Variants in SPON1 observed in about 807,000 individuals in gnomAD.
SPON1 encodes the protein spondin 1, also known as spondin-1.
Under a neutral mutation model 111.7 loss-of-function variants are expected in SPON1, and 52 were observed. The observed-to-expected ratio is 0.47, with a 90% CI of 0.37 to 0.59. The LOEUF (loss-of-function observed/expected upper bound fraction) is 0.59, where lower values mean the gene tolerates loss of function less well. Among genes scored for constraint, SPON1 ranks in the 20% least tolerant of loss-of-function variants. SPON1 has a pLI of 0.00. For missense variants in SPON1, 957 were observed against 1,068.5 expected (o/e 0.90, Z 1.46); for synonymous variants, 410 against 395.8 (o/e 1.04, Z -0.43).
At chr11:14,032,640 A>G (rs1848567640) in intron 2 of SPON1, among the ~76,000 whole-genome samples, 1 of 152,238 alleles carries the variant, frequency 6.6e-6, no homozygotes, top group Non-Finnish European at 1.5e-5. Context: ...CAGAGAGGTC[A>G]AGTAGCTTGG....
At chr11:14,060,272 T>G (rs1554919712) in intron 3 of SPON1, among the ~76,000 whole-genome samples, 1 of 152,188 alleles carries the variant, frequency 6.6e-6, no homozygotes, top group African/African-American at 2.4e-5. Flanking sequence ...TTGTACATTT[T>G]CTTTTGTGAT....
intron 2 of SPON1, among the ~76,000 whole-genome samples, chr11:13,996,711 G>GTGTGTATATATATATATATATA (rs535844829): frequency 6.9e-6 from 1 of 145,142 alleles, no homozygotes; most frequent in African/African-American, 2.8e-5. Flanking sequence ...ACCTATGTGT[G>GTGTGTATATATATATATATATA]TATATATATA....
chr11:14,254,767 C>G, intron 8 of SPON1, 38 bp downstream of exon 8: 1 of 1,592,110 alleles, frequency 6.3e-7, no homozygotes, highest in Non-Finnish European at 8.6e-7. Flanking sequence ...TGGCTCCTTG[C>G]CTACCCGCTT....
chr11:14,108,393 A>G (rs1849201513), intron 5 of SPON1, among the ~76,000 whole-genome samples: 1 of 152,142 alleles, frequency 6.6e-6, no homozygotes, highest in African/African-American at 2.4e-5. Flanking sequence ...GATATCTTGG[A>G]TAAGTCTTCT....
intron 5 of SPON1, among the ~76,000 whole-genome samples, chr11:14,088,744 T>C (rs1849026989): frequency 6.6e-6 from 1 of 152,174 alleles, no homozygotes; most frequent in African/African-American, 2.4e-5. Context: ...TTGGTTCCAT[T>C]CTTGTCCTCA....
chr11:13,963,124 C>T lies in SPON1; in HGVS notation c.220C>T (p.Pro74Ser). The T allele has an allele frequency of 6.6e-7, 1 of 1,518,098 alleles. No individual in the cohort carries two copies. 94.0% of individuals were successfully genotyped at this position (1,518,098 alleles called of 1,614,324 possible). The change falls in exon 1 of 16, where the codon CCG (proline) becomes TCG (serine). Residue 74 changes from proline (P) to serine (S), a missense_variant. Coordinates refer to ENST00000576479, the MANE Select transcript of SPON1 (RefSeq NM_006108.4). ...RVEGDPDFYK[P>S]GTSYRVTLSA... is the part of the protein sequence containing the mutation. ...GGAGGGCGACCCCGACTTCTACAAG[C>T]CGGGAACCAGCTACCGCGGTAAGTG...
chr11:14,070,199 G>T (rs533288389), intron 3 of SPON1, among the ~76,000 whole-genome samples: 1 of 152,268 alleles, frequency 6.6e-6, no homozygotes, highest in Admixed American at 6.5e-5. Flanking sequence ...AATAAATATT[G>T]CTGGTTATAA....
At chr11:13,975,741 C>A (rs1237799974) in intron 1 of SPON1, among the ~76,000 whole-genome samples, 1 of 152,188 alleles carries the variant, frequency 6.6e-6, no homozygotes, top group Non-Finnish European at 1.5e-5. Flanking sequence ...AAAGCCAATT[C>A]TCTCCATTGC....
chr11:14,244,951 C>G (rs544328959), intron 7 of SPON1, among the ~76,000 whole-genome samples: 2 of 152,326 alleles, frequency 1.3e-5, no homozygotes, highest in Admixed American at 6.5e-5. Context: ...CTTGAACAAG[C>G]TTTGATTTTG....
intron 6 of SPON1, among the ~76,000 whole-genome samples, chr11:14,146,243 A>G (rs1003885465): frequency 2.7e-5 from 4 of 149,366 alleles, no homozygotes; most frequent in African/African-American, 5.0e-5. Context: ...TCCATCTCTC[A>G]GGTTCAAGCA....
intron 6 of SPON1, among the ~76,000 whole-genome samples, chr11:14,162,722 A>G (rs1054387464): frequency 1.3e-5 from 2 of 152,220 alleles, no homozygotes; most frequent in Non-Finnish European, 2.9e-5. Flanking sequence ...CAAATTATGT[A>G]AGCACAATGT....
chr11:14,015,506 AT>A (rs377513308), intron 2 of SPON1, among the ~76,000 whole-genome samples: 124 of 152,306 alleles, frequency 8.1e-4, no homozygotes, highest in African/African-American at 2.7e-3. Context: ...TTTTCAACAT[AT>A]GAATTTTAGG....
chr11:14,230,733 T>G (rs2007589), intron 6 of SPON1, among the ~76,000 whole-genome samples: 53,230 of 151,404 alleles, frequency 0.35, 9,785 homozygotes, highest in Admixed American at 0.45. Context: ...CGACCTTTTC[T>G]TTTTACTTTC....
chr11:14,064,183 C>T (rs1848813377), intron 3 of SPON1, among the ~76,000 whole-genome samples: 1 of 152,172 alleles, frequency 6.6e-6, no homozygotes, highest in African/African-American at 2.4e-5. Flanking sequence ...GGTTCCTACC[C>T]TCAAAAAGCT....
intron 6 of SPON1, among the ~76,000 whole-genome samples, chr11:14,154,567 C>T (rs900845498): frequency 2.0e-5 from 3 of 152,242 alleles, no homozygotes; most frequent in Admixed American, 6.5e-5. Flanking sequence ...CCTCTTGGGA[C>T]TCTGGGCCTG....
chr11:14,109,495 C>T (rs1203986693), intron 5 of SPON1, among the ~76,000 whole-genome samples: 5 of 152,162 alleles, frequency 3.3e-5, no homozygotes, highest in Admixed American at 3.3e-4. Flanking sequence ...AACTACGGTT[C>T]TTGCAATTTT....
chr11:14,153,445 A>G (rs1197604364), intron 6 of SPON1, among the ~76,000 whole-genome samples: 1 of 152,190 alleles, frequency 6.6e-6, no homozygotes, highest in Non-Finnish European at 1.5e-5. Context: ...CAGGAGGAAG[A>G]GAGCAGGGAG....
At chr11:14,225,209 T>C (rs1848724225) in intron 6 of SPON1, among the ~76,000 whole-genome samples, 2 of 152,144 alleles carry the variant, frequency 1.3e-5, no homozygotes, top group African/African-American at 2.4e-5. Flanking sequence ...CCAGCATGTC[T>C]TTTTTTCTGG....
intron 3 of SPON1, among the ~76,000 whole-genome samples, chr11:14,059,743 G>A (rs1848776141): frequency 6.6e-6 from 1 of 152,150 alleles, no homozygotes; most frequent in Non-Finnish European, 1.5e-5. Flanking sequence ...GTTCCCCCCA[G>A]CAGCCGCTGC....
Sources: gnomAD v4.1 joint callset for allele counts (sites outside exome capture counted in the v4.1 genomes callset) on GRCh38, gnomAD v4.1.1 for gene constraint, MANE v1.5 for transcripts, NCBI Gene and HGNC (gene_info 2026-07-23, HGNC 2026-07-21) for gene names.